DDX1: variants seen among roughly 807,000 people sequenced by gnomAD.
The protein encoded by DDX1 is DEAD-box helicase 1.
A neutral mutation model predicts 108.7 loss-of-function variants in DDX1; 28 were observed. That is an observed-to-expected ratio of 0.26 (90% CI 0.19 to 0.35). The LOEUF is 0.35. Ranked by LOEUF, DDX1 falls within the 10% of genes least tolerant of loss-of-function variation. The pLI is 1.00. For missense variants in DDX1, 710 were observed against 884.5 expected (o/e 0.80, Z 2.50); for synonymous variants, 295 against 288.9 (o/e 1.02, Z -0.21).
At chr2:15,605,730 A>T (rs116739144) in intron 10 of DDX1, among the ~76,000 whole-genome samples, 3 of 152,174 alleles carry the variant, frequency 2.0e-5, no homozygotes, top group Non-Finnish European at 4.4e-5. Context: ...TCTAATGGAA[A>T]TGAACTTGTA....
intron 1 of DDX1, 33 bp from the exon 2 acceptor site, chr2:15,595,112 T>C: frequency 6.5e-7 from 1 of 1,541,178 alleles, no homozygotes; most frequent in Non-Finnish European, 8.9e-7. Flanking sequence ...CATTTCAGTT[T>C]ATGTGGTTTT....
intron 3 of DDX1, among the ~76,000 whole-genome samples, chr2:15,595,989 A>G (rs1028343431): frequency 9.9e-5 from 15 of 152,130 alleles, no homozygotes; most frequent in Admixed American, 5.2e-4. Flanking sequence ...GGTTCAAGCA[A>G]TCTTCCTATT....
At chr2:15,622,275 T>C (rs937673054) in intron 18 of DDX1, among the ~76,000 whole-genome samples, 2 of 152,224 alleles carry the variant, frequency 1.3e-5, no homozygotes, top group South Asian at 4.1e-4. Context: ...TCTCCAGAAC[T>C]TTTTCATCTT....
chr2:15,612,250 C>A (rs1397567628), intron 13 of DDX1, among the ~76,000 whole-genome samples: 1 of 150,580 alleles, frequency 6.6e-6, no homozygotes, highest in African/African-American at 2.4e-5. Context: ...ACTTCTCAGA[C>A]GGGGCGGCCG....
chr2:15,602,228 A>C (rs569441104), intron 6 of DDX1, among the ~76,000 whole-genome samples: 1 of 152,342 alleles, frequency 6.6e-6, no homozygotes, highest in East Asian at 1.9e-4. Context: ...AACTACTATT[A>C]GTGCAAGTCA....
Position 15,603,203 on chromosome 2 carries a change from T to C in DDX1, c.403T>C (p.Tyr135His), listed in dbSNP as rs1336906997. 1.6e-5 allele frequency: 25 copies of C among 1,611,496 alleles called. No homozygotes were observed. The highest frequency in any genetic ancestry group is 2.1e-5 in the Non-Finnish European group (25 of 1,178,196). The stretch of plus-strand genomic sequence containing the variant: ...TTTTACCCTTGTAGGGAAACACTAC[T>C]ATGAAGTATCCTGTCATGACCAAGG... ...TKGLMKGKHY[Y>H]EVSCHDQGLC... Residue 135 changes from tyrosine to histidine, a missense_variant, in exon 8 of 26, where the codon TAT becomes CAT. Tyr to His is a moderately conservative substitution (Grantham distance 83). Around this residue, in one of 3 missense-constraint regions of DDX1, gnomAD observed 661 missense variants for 810.2 expected, o/e 0.82. Coordinates refer to ENST00000233084, the MANE Select transcript of DDX1 (RefSeq NM_004939.3).
At chr2:15,591,986 T>C (rs1227139278) in intron 1 of DDX1, 37 bp downstream of exon 1, 2 of 1,396,618 alleles carry the variant, frequency 1.4e-6, no homozygotes, top group East Asian at 3.1e-5. Flanking sequence ...GTGGGGCGGC[T>C]TGTTGCACGC....
chr2:15,611,768 GT>G (rs1447741117), intron 13 of DDX1, among the ~76,000 whole-genome samples: 3 of 101,990 alleles, frequency 2.9e-5, no homozygotes, highest in African/African-American at 1.3e-4. Flanking sequence ...CCCGGACGGG[GT>G]GGCTGGCCGG....
chr2:15,597,288 T>C, intron 4 of DDX1, 87 bp from the exon 5 acceptor site: 1 of 802,800 alleles, frequency 1.2e-6, no homozygotes, highest in Non-Finnish European at 2.0e-6. Context: ...AGTTGATGTG[T>C]GTGCATAACT....
At chr2:15,630,745 T>G in intron 25 of DDX1, 31 bp from the exon 26 acceptor site, 1 of 1,595,132 alleles carries the variant, frequency 6.3e-7, no homozygotes, top group Non-Finnish European at 8.6e-7. Context: ...GCATGTCATT[T>G]ACATTACTTT....
intron 13 of DDX1, among the ~76,000 whole-genome samples, chr2:15,612,169 CGGCTGGCCT>C (rs1330030294): frequency 6.7e-6 from 1 of 150,346 alleles, no homozygotes; most frequent in Non-Finnish European, 1.5e-5. Context: ...CTGGACGGGG[CGGCTGGCCT>C]GGCGGTGGGT....
intron 14 of DDX1, among the ~76,000 whole-genome samples, 185 bp from the exon 15 acceptor site, chr2:15,617,059 T>A (rs564600152): frequency 6.6e-6 from 1 of 152,120 alleles, no homozygotes; most frequent in East Asian, 1.9e-4. Flanking sequence ...CACATTAATT[T>A]CAAACCAAGT....
chr2:15,606,468 G>T (rs564873992), intron 12 of DDX1, among the ~76,000 whole-genome samples: 4 of 152,292 alleles, frequency 2.6e-5, no homozygotes, highest in Non-Finnish European at 5.9e-5. Context: ...GGCATTTTGG[G>T]ATCGCAATCA....
intron 16 of DDX1, among the ~76,000 whole-genome samples, chr2:15,619,310 C>T (rs941160900): frequency 4.5e-4 from 68 of 152,308 alleles, no homozygotes; most frequent in African/African-American, 1.6e-3. Flanking sequence ...GCAGCAGTGG[C>T]GGGCAAGAGC....
intron 2 of DDX1, 77 bp from the exon 3 acceptor site, chr2:15,595,413 G>T: frequency 8.1e-7 from 1 of 1,237,738 alleles, no homozygotes; most frequent in South Asian, 1.2e-5. Context: ...TTTCTTTTAG[G>T]CAAATTAACG....
At chr2:15,592,361 C>A (rs919173894) in intron 1 of DDX1, among the ~76,000 whole-genome samples, 2 of 152,144 alleles carry the variant, frequency 1.3e-5, no homozygotes, top group Non-Finnish European at 2.9e-5. Context: ...GGCAGAGAGG[C>A]GAGACGGCGT....
chr2:15,603,229 G>T lies in DDX1; in HGVS notation c.429G>T (p.Gly143=), dbSNP rs1374967277. The change falls in exon 8 of 26, where the codon GGG becomes GGT. Residue 143 remains glycine (G), a synonymous_variant. Transcript: ENST00000233084. ...ATGAAGTATCCTGTCATGACCAAGG[G>T]TTATGCAGGGTCGGGTGGTCTACCA... ...HYYEVSCHDQ[G]LCRVGWSTMQ... 6.2e-7 allele frequency: 1 copy of T among 1,613,688 alleles called. No homozygotes were observed. Among genetic ancestry groups the T allele is most frequent in the Non-Finnish European group, 8.5e-7 (1 of 1,179,738 alleles).
intron 7 of DDX1, 86 bp from the exon 8 acceptor site, chr2:15,603,106 A>T: frequency 1.1e-6 from 1 of 881,254 alleles, no homozygotes; most frequent in Non-Finnish European, 1.8e-6. Context: ...ATACCTGTGT[A>T]ATTCAGAAAC....
At chr2:15,609,843 A>G (rs1168781352) in intron 13 of DDX1, among the ~76,000 whole-genome samples, 2 of 152,246 alleles carry the variant, frequency 1.3e-5, no homozygotes, top group African/African-American at 4.8e-5. Flanking sequence ...TCCCCTGGAT[A>G]TACTGAATCA....
Sources: gnomAD v4.1 joint callset for allele counts (sites outside exome capture counted in the v4.1 genomes callset) on GRCh38, gnomAD v4.1.1 for gene constraint, gnomAD v4.1.1 regional missense constraint, MANE v1.5 for transcripts, NCBI Gene and HGNC (gene_info 2026-07-23, HGNC 2026-07-21) for gene names.